Variants in ENTREP2 observed in about 807,000 individuals in gnomAD.
ENTREP2 encodes protein ENTREP2.
the ENTREP2 span, among the ~76,000 whole-genome samples, chr15:29,646,176 G>C: frequency 6.6e-6 from 1 of 152,286 alleles, no homozygotes; most frequent in African/African-American, 2.4e-5. Flanking sequence ...TTCTATTGAT[G>C]CCTAACAAAT....
chr15:29,413,279 GTTCT>G, the ENTREP2 span, among the ~76,000 whole-genome samples: 19 of 152,082 alleles, frequency 1.2e-4, no homozygotes, highest in Admixed American at 4.6e-4. Flanking sequence ...ACCTGGTTGT[GTTCT>G]TTAAGTTATT....
At chr15:29,429,495 A>G in the ENTREP2 span, among the ~76,000 whole-genome samples, 1 of 152,214 alleles carries the variant, frequency 6.6e-6, no homozygotes, top group Non-Finnish European at 1.5e-5. Context: ...TGCTAGGATC[A>G]CGGGCATAAG....
At chr15:29,499,926 A>C in the ENTREP2 span, among the ~76,000 whole-genome samples, 4 of 152,318 alleles carry the variant, frequency 2.6e-5, no homozygotes, top group Middle Eastern at 3.4e-3. Flanking sequence ...TGTGAACAGA[A>C]ACCAAAATAG....
At chr15:29,382,055 C>T in the ENTREP2 span, among the ~76,000 whole-genome samples, 1 of 152,246 alleles carries the variant, frequency 6.6e-6, no homozygotes, top group South Asian at 2.1e-4. Flanking sequence ...TTGTGCACTG[C>T]ACTAGGTGGC....
chr15:29,444,351 A>G, the ENTREP2 span, among the ~76,000 whole-genome samples: 3 of 152,206 alleles, frequency 2.0e-5, no homozygotes, highest in Non-Finnish European at 4.4e-5. Flanking sequence ...AATCACGGCT[A>G]TCCGTTGCGG....
chr15:29,159,336 A>G, the ENTREP2 span, among the ~76,000 whole-genome samples: 3 of 152,126 alleles, frequency 2.0e-5, no homozygotes, highest in Non-Finnish European at 4.4e-5. Context: ...GCAGACCTTC[A>G]CGGTGTTACA....
the ENTREP2 span, among the ~76,000 whole-genome samples, chr15:29,209,778 C>T: frequency 3.3e-5 from 5 of 152,124 alleles, no homozygotes; most frequent in African/African-American, 1.2e-4. Context: ...ACTGAGTTTC[C>T]CTCTTCCTGT....
chr15:29,588,930 C>T, the ENTREP2 span, among the ~76,000 whole-genome samples: 1 of 151,352 alleles, frequency 6.6e-6, no homozygotes, highest in Non-Finnish European at 1.5e-5. Context: ...GTTGCGGCTG[C>T]CATGACCCAT....
the ENTREP2 span, among the ~76,000 whole-genome samples, chr15:29,554,858 T>C: frequency 6.6e-6 from 1 of 152,144 alleles, no homozygotes; most frequent in East Asian, 1.9e-4. Context: ...CCTAGAAACC[T>C]CTTGGCTAGG....
At chr15:29,460,135 C>A in the ENTREP2 span, among the ~76,000 whole-genome samples, 188 of 98,798 alleles carry the variant, frequency 1.9e-3, 1 homozygote, top group South Asian at 0.022. Context: ...GCCTGTAGTC[C>A]CAGCTACTCA....
chr15:29,641,570 G>A, the ENTREP2 span, among the ~76,000 whole-genome samples: 2 of 152,106 alleles, frequency 1.3e-5, no homozygotes, highest in Admixed American at 6.5e-5. Context: ...GGTGGCTCAC[G>A]CCTGTAATCC....
At chr15:29,478,002 TA>T in the ENTREP2 span, among the ~76,000 whole-genome samples, 2 of 74,452 alleles carry the variant, frequency 2.7e-5, no homozygotes, top group Non-Finnish European at 4.8e-5. Flanking sequence ...ACTATATATA[TA>T]TATATATATA....
chr15:29,660,049 GC>G, the ENTREP2 span, among the ~76,000 whole-genome samples: 1 of 152,142 alleles, frequency 6.6e-6, no homozygotes, highest in African/African-American at 2.4e-5. Context: ...CAATCCGCCT[GC>G]CTTGGCTTCC....
At chr15:29,483,252 T>C in the ENTREP2 span, among the ~76,000 whole-genome samples, 1 of 152,240 alleles carries the variant, frequency 6.6e-6, no homozygotes, top group East Asian at 1.9e-4. Context: ...TGATCACATA[T>C]AACTTCTGCA....
At chr15:29,343,456 C>T in the ENTREP2 span, among the ~76,000 whole-genome samples, 1 of 152,106 alleles carries the variant, frequency 6.6e-6, no homozygotes, top group African/African-American at 2.4e-5. Context: ...AGAATTCAGA[C>T]TCACAAATGA....
the ENTREP2 span, among the ~76,000 whole-genome samples, chr15:29,331,337 T>A: frequency 2.6e-5 from 4 of 151,708 alleles, no homozygotes; most frequent in East Asian, 5.9e-4. Flanking sequence ...GAGGACTGAG[T>A]GATGGGCTGG....
At chr15:29,436,530 A>G in the ENTREP2 span, among the ~76,000 whole-genome samples, 1 of 152,236 alleles carries the variant, frequency 6.6e-6, no homozygotes, top group African/African-American at 2.4e-5. Context: ...TAAAATATGT[A>G]TTACATATTC....
the ENTREP2 span, among the ~76,000 whole-genome samples, chr15:29,439,982 G>A: frequency 3.4e-4 from 52 of 152,216 alleles, no homozygotes; most frequent in African/African-American, 1.2e-3. Flanking sequence ...CCTCATATTC[G>A]TAACTCCAGT....
At chr15:29,340,518 G>A in the ENTREP2 span, among the ~76,000 whole-genome samples, 1 of 152,140 alleles carries the variant, frequency 6.6e-6, no homozygotes, top group East Asian at 1.9e-4. Context: ...CAGACCAAAT[G>A]TGTTTGCAGC....
Sources: allele counts gnomAD v4.1 joint callset (sites outside exome capture counted in the v4.1 genomes callset), GRCh38; gene constraint gnomAD v4.1.1; transcripts MANE v1.5; gene names NCBI Gene and HGNC (gene_info 2026-07-23, HGNC 2026-07-21).